The following CHL1 variants were observed in gnomAD, a reference collection of about 807,000 sequenced individuals.
The protein encoded by CHL1 is neural cell adhesion molecule L1-like protein.
Under a neutral mutation model 141.9 loss-of-function variants are expected in CHL1, and 96 were observed. The ratio of observed to expected loss-of-function variants is 0.68; its 90% CI spans 0.57 to 0.80. The LOEUF (loss-of-function observed/expected upper bound fraction) is 0.80. Among genes scored for constraint, CHL1 ranks in the 30% least tolerant of loss-of-function variants. CHL1 has a pLI of 0.00. For synonymous variants in CHL1, 613 were observed against 502.2 expected (o/e 1.22, Z -2.95); for missense variants, 1,820 against 1,457.2 (o/e 1.25, Z -4.05).
intron 13 of CHL1, among the ~76,000 whole-genome samples, chr3:362,190 C>A (rs1384410245): frequency 1.3e-5 from 2 of 152,188 alleles, no homozygotes; most frequent in African/African-American, 4.8e-5. Context: ...AATTTAATTC[C>A]AAATGCATGT....
intron 27 of CHL1, 147 bp downstream of exon 27, chr3:401,845 A>G (rs561678795): frequency 2.5e-4 from 127 of 512,384 alleles, no homozygotes; most frequent in Admixed American, 4.2e-4. Flanking sequence ...AATAGGGCCC[A>G]CTTAAGTGCT....
chr3:343,796 T>G (rs1020053762), intron 8 of CHL1, among the ~76,000 whole-genome samples: 1 of 152,210 alleles, frequency 6.6e-6, no homozygotes, highest in African/African-American at 2.4e-5. Context: ...CATCATTTCC[T>G]TTGAGATTAA....
intron 19 of CHL1, among the ~76,000 whole-genome samples, chr3:385,455 C>T (rs1707573178): frequency 6.6e-6 from 1 of 152,278 alleles, no homozygotes; most frequent in Admixed American, 6.5e-5. Flanking sequence ...TCCTCTCACT[C>T]ATAAGTCATT....
intron 1 of CHL1, among the ~76,000 whole-genome samples, chr3:218,035 G>A (rs1412465061): frequency 1.3e-5 from 2 of 152,110 alleles, no homozygotes; most frequent in South Asian, 2.1e-4. Context: ...TGCTTTGGGG[G>A]CTGTTGTAAA....
At chr3:384,455 G>A (rs1707426007) in intron 19 of CHL1, 1 of 152,156 alleles carries the variant, frequency 6.6e-6, no homozygotes. Context: ...ATTTATGTAT[G>A]AGGATCTTTG....
chr3:312,552 C>G (rs1699837920), intron 2 of CHL1, among the ~76,000 whole-genome samples: 1 of 152,152 alleles, frequency 6.6e-6, no homozygotes, highest in Non-Finnish European at 1.5e-5. Flanking sequence ...TGATTCAGAT[C>G]ACACTTCAGG....
At chr3:289,185 T>C (rs1697439047) in intron 2 of CHL1, among the ~76,000 whole-genome samples, 1 of 152,200 alleles carries the variant, frequency 6.6e-6, no homozygotes. Context: ...AAGGGAGTCA[T>C]GAAACAAACA....
At chr3:204,088 G>A (rs957015484) in intron 1 of CHL1, among the ~76,000 whole-genome samples, 1 of 152,162 alleles carries the variant, frequency 6.6e-6, no homozygotes, top group Non-Finnish European at 1.5e-5. Context: ...ATATTCAGTG[G>A]TGTGTTTCAG....
At chr3:224,043 G>T (rs2124997447) in intron 1 of CHL1, among the ~76,000 whole-genome samples, 1 of 152,246 alleles carries the variant, frequency 6.6e-6, no homozygotes, top group Admixed American at 6.5e-5. Context: ...AATTGGGAAG[G>T]TTACAAATCT....
intron 5 of CHL1, among the ~76,000 whole-genome samples, chr3:337,336 GC>G (rs559713295): frequency 0.015 from 2,326 of 150,150 alleles, 80 homozygotes; most frequent in Admixed American, 0.093. Context: ...GACCACAGGC[GC>G]CCGCCACCAC....
intron 9 of CHL1, among the ~76,000 whole-genome samples, chr3:346,966 C>T (rs1702821535): frequency 6.6e-6 from 1 of 152,100 alleles, no homozygotes; most frequent in South Asian, 2.1e-4. Context: ...CTATAAGTGT[C>T]AGGTGAACAT....
intron 2 of CHL1, among the ~76,000 whole-genome samples, chr3:290,040 T>A (rs644934): frequency 0.16 from 24,649 of 150,398 alleles, 3,438 homozygotes; most frequent in African/African-American, 0.38. Flanking sequence ...TCACCCCTCA[T>A]TGAAGCTTGT....
chr3:293,805 AT>A (rs35981953), intron 2 of CHL1, among the ~76,000 whole-genome samples: 2,714 of 141,760 alleles, frequency 0.019, 64 homozygotes, highest in African/African-American at 0.06. Context: ...GCTGGAGAAG[AT>A]TTTTTTTTTT....
intron 1 of CHL1, among the ~76,000 whole-genome samples, chr3:225,698 T>C (rs1008803424): frequency 1.3e-5 from 2 of 152,010 alleles, no homozygotes; most frequent in Non-Finnish European, 2.9e-5. Context: ...ATATGTAAAA[T>C]CAAGCGAGGA....
chr3:208,374 C>A (rs1699621271), intron 1 of CHL1, among the ~76,000 whole-genome samples: 1 of 147,956 alleles, frequency 6.8e-6, no homozygotes, highest in Admixed American at 6.6e-5. Flanking sequence ...ATTCCACTTC[C>A]TTTGCCCCTC....
chr3:196,968 G>A lies in CHL1; in HGVS notation c.-270G>A, dbSNP rs1466555749. 5 of 152,240 alleles carry A rather than the reference G, an allele frequency of 3.3e-5. 1 individual carries two copies. The highest frequency in any genetic ancestry group is 1.3e-4 in the Admixed American group (2 of 15,286). The allele number at this position is 152,240 out of a possible 1,614,324, so 9.4% of individuals were successfully genotyped here. A position where few individuals can be genotyped will look rare whatever the true frequency, so the allele number is the denominator to read the frequency against. On this transcript the variant is annotated 5_prime_UTR_variant, in exon 1 of 28. Transcript: ENST00000256509. ...TCCCTGGATCCGCCCAGAGCTTACC[G>A]GACCCTGCGCGCCCCCGTCCCGGCT...
chr3:342,628 A>C lies in CHL1; in HGVS notation c.680-356A>C, dbSNP rs147617836. 4.7e-3 allele frequency among the ~76,000 whole-genome samples: 718 copies of C among 152,282 alleles called. 9 individuals are homozygous for C. The highest frequency in any genetic ancestry group is 0.016 in the African/African-American group (682 of 41,578). On this transcript the variant is annotated intron_variant, in intron 7 of 27. Coordinates refer to ENST00000256509, the MANE Select transcript of CHL1 (RefSeq NM_006614.4). Reference sequence around the variant, plus strand: ...TCCCCAACAGTTTGCTGAGCGAATAATTGGCCCTGGTATAGTTGAAAGTTG... The same window carrying C: ...TCCCCAACAGTTTGCTGAGCGAATACTTGGCCCTGGTATAGTTGAAAGTTG...
chr3:349,347 TA>T lies in CHL1; in HGVS notation c.849-11del. 6.2e-7 allele frequency: 1 copy of T among 1,603,094 alleles called. No individual in the cohort carries two copies. Among genetic ancestry groups the T allele is most frequent in the Non-Finnish European group, 8.5e-7 (1 of 1,175,534 alleles). On this transcript the variant is annotated splice_polypyrimidine_tract_variant and intron_variant, in intron 9 of 27. Coordinates refer to ENST00000256509, the MANE Select transcript of CHL1 (RefSeq NM_006614.4). ...TTAAAAAAATGTTTATTTATTTAACTATTTTTTGCAGGCCAACTCCACAGGT... is the reference window on the plus strand; with the variant it reads ...TTAAAAAAATGTTTATTTATTTAACTTTTTTTGCAGGCCAACTCCACAGGT...
Position 390,823 on chromosome 3 carries a change from A to G in CHL1, c.2586+7A>G. 6.4e-7 allele frequency: 1 copy of G among 1,558,900 alleles called. No homozygotes were observed. The highest frequency in any genetic ancestry group is 8.8e-7 in the Non-Finnish European group (1 of 1,136,714). ...ACGTCTGAAAGGCTATCAGGTTTTT[A>G]TCATCATGGTTTTTCCTCTTCTTGT... On this transcript the variant is annotated splice_region_variant and intron_variant, in intron 21 of 27. Coordinates refer to ENST00000256509, the MANE Select transcript of CHL1 (RefSeq NM_006614.4).
Sources: allele counts gnomAD v4.1 joint callset (sites outside exome capture counted in the v4.1 genomes callset), GRCh38; gene constraint gnomAD v4.1.1; transcripts MANE v1.5; gene names NCBI Gene and HGNC (gene_info 2026-07-23, HGNC 2026-07-21).